TMED8: variants seen among roughly 807,000 people sequenced by gnomAD.
TMED8 encodes protein TMED8.
Under a neutral mutation model 32.7 loss-of-function variants are expected in TMED8, and 15 were observed. The observed-to-expected ratio is 0.46, with a 90% confidence interval of 0.31 to 0.71. The LOEUF (loss-of-function observed/expected upper bound fraction) is 0.71, where lower values mean the gene tolerates loss of function less well. Ranked by LOEUF, TMED8 falls within the 30% of genes least tolerant of loss-of-function variation. The pLI is 0.06. For synonymous variants in TMED8, 147 were observed against 161.4 expected (o/e 0.91, Z 0.68); for missense variants, 390 against 423.9 (o/e 0.92, Z 0.70).
intron 1 of TMED8, among the ~76,000 whole-genome samples, chr14:77,373,830 AT>A (rs1893752501): frequency 6.6e-6 from 1 of 152,200 alleles, no homozygotes; most frequent in Non-Finnish European, 1.5e-5. Context: ...CCTCTTGATG[AT>A]AAGTGAGTTC....
intron 1 of TMED8, among the ~76,000 whole-genome samples, chr14:77,355,634 T>G (rs1351140405): frequency 6.6e-6 from 1 of 152,230 alleles, no homozygotes; most frequent in Non-Finnish European, 1.5e-5. Flanking sequence ...TCCAAATCTT[T>G]CATTGTTACA....
At chr14:77,372,933 TATATATATATATATA>T (rs1566696391) in intron 1 of TMED8, among the ~76,000 whole-genome samples, 11 of 34,454 alleles carry the variant, frequency 3.2e-4, no homozygotes, top group Non-Finnish European at 5.8e-4. Context: ...TATATATATA[TATATATATATATATA>T]TATATTTTTT....
chr14:77,353,518 C>A (rs1299370815), intron 1 of TMED8, among the ~76,000 whole-genome samples: 1 of 148,940 alleles, frequency 6.7e-6, no homozygotes, highest in African/African-American at 2.5e-5. Flanking sequence ...TTATGACTCT[C>A]GGCCTCTTGG....
chr14:77,360,495 C>G (rs899211662), intron 1 of TMED8, among the ~76,000 whole-genome samples: 2 of 151,968 alleles, frequency 1.3e-5, no homozygotes, highest in Non-Finnish European at 2.9e-5. Flanking sequence ...TAATGTCATC[C>G]AGGCTCATCC....
rs147339432 is a variant in TMED8, at chr14:77,376,293, T to G, written c.118+643A>C. ...GAGGGAGGTAGGCCAAATTTTTAAT[T>G]CCTGCTCTTGCTTTGGCTACTGTGT... is the stretch of plus-strand genomic sequence containing the variant. On this transcript the variant is annotated intron_variant, in intron 1 of 5. Coordinates refer to ENST00000216468, the MANE Select transcript of TMED8 (RefSeq NM_213601.3). The surrounding 1 kb of genome is among the most constrained non-coding windows in gnomAD (Gnocchi z 4.0). 6.6e-6 allele frequency among the ~76,000 whole-genome samples: 1 copy of G among 152,220 alleles called. No individual in the cohort carries two copies. Among genetic ancestry groups the G allele is most frequent in the South Asian group, 2.1e-4 (1 of 4,836 alleles).
At chr14:77,347,664 C>G (rs975727898) in intron 2 of TMED8, among the ~76,000 whole-genome samples, 1 of 152,208 alleles carries the variant, frequency 6.6e-6, no homozygotes, top group Non-Finnish European at 1.5e-5. Context: ...CTCGGCCTCC[C>G]AAAGTACTAG....
intron 3 of TMED8, among the ~76,000 whole-genome samples, chr14:77,345,202 G>A (rs1892995692): frequency 6.6e-6 from 1 of 152,050 alleles, no homozygotes; most frequent in Non-Finnish European, 1.5e-5. Context: ...GGTCAGGCTG[G>A]TCTCGAACCC....
Position 77,341,667 on chromosome 14 carries a change from C to CA in TMED8, c.*103dup. 5 of 1,136,960 alleles carry CA rather than the reference C, an allele frequency of 4.4e-6. No individual in the cohort carries two copies. In the South Asian group the frequency reaches 7.0e-5, roughly 16 times the overall value. The allele number at this position is 1,136,960 out of a possible 1,614,324, so 70.4% of individuals were successfully genotyped here. On this transcript the variant is annotated 3_prime_UTR_variant, in exon 6 of 6. Coordinates refer to ENST00000216468, the MANE Select transcript of TMED8 (RefSeq NM_213601.3). Reference sequence around the variant, plus strand: ...ATGCCAGACAGGGTGTGAGGCTCAGCAGCCCCCCATGAACCTTTGGCTCTT... The same window carrying CA: ...ATGCCAGACAGGGTGTGAGGCTCAGCAAGCCCCCCATGAACCTTTGGCTCTT...
intron 5 of TMED8, 71 bp from the exon 6 acceptor site, chr14:77,342,059 G>A (rs1443046499): frequency 2.2e-6 from 3 of 1,362,672 alleles, no homozygotes; most frequent in Non-Finnish European, 3.1e-6. Context: ...GAAGGACCAG[G>A]TGACCCAGTG....
At chr14:77,372,330 T>C (rs777421289) in intron 1 of TMED8, among the ~76,000 whole-genome samples, 11 of 152,210 alleles carry the variant, frequency 7.2e-5, no homozygotes, top group Non-Finnish European at 1.6e-4. Context: ...GTGTACTTCG[T>C]ACTTTCCCTA....
intron 2 of TMED8, among the ~76,000 whole-genome samples, chr14:77,350,378 C>T (rs1158756536): frequency 6.6e-6 from 1 of 152,100 alleles, no homozygotes; most frequent in Non-Finnish European, 1.5e-5. Context: ...TTCTTTAGTA[C>T]CTAGAACAGT....
Position 77,337,423 on chromosome 14 carries a change from C to T in TMED8, c.*4348G>A, listed in dbSNP as rs1332718206. On this transcript the variant is annotated 3_prime_UTR_variant, in exon 6 of 6. Coordinates refer to ENST00000216468, the MANE Select transcript of TMED8 (RefSeq NM_213601.3). ...TTTTTTTTTGAGACGGAATCTTGCT[C>T]TGTTGCCCAGTCTGGAGTGCAGTGG... 1 of 151,938 alleles carries T rather than the reference C, an allele frequency of 6.6e-6. No individual in the cohort carries two copies. Among genetic ancestry groups the T allele is most frequent in the Non-Finnish European group, 1.5e-5 (1 of 68,040 alleles). The allele number at this position is 151,938 out of a possible 1,614,324, so 9.4% of individuals were successfully genotyped here. A position where few individuals can be genotyped will look rare whatever the true frequency, so the allele number is the denominator to read the frequency against.
In TMED8 at chr14:77,353,841, C is replaced by T. The variant is rs553114305; in HGVS notation, c.119-2090G>A. On this transcript the variant is annotated intron_variant, in intron 1 of 5. Transcript: ENST00000216468. ...TCCTGCCATCTAATTTTTCTCCCAA[C>T]AAAGAAACACTGTTCCCCAGTCTCT... 1.5e-4 allele frequency among the ~76,000 whole-genome samples: 23 copies of T among 152,282 alleles called. No individual in the cohort carries two copies. The South Asian group carries it at 4.3e-3, about 29-fold the overall frequency.
intron 1 of TMED8, among the ~76,000 whole-genome samples, chr14:77,362,199 T>C (rs895543746): frequency 2.6e-5 from 4 of 152,118 alleles, no homozygotes; most frequent in African/African-American, 9.7e-5. Context: ...TATGCCTTTT[T>C]TTTTTCTTGT....
In TMED8 at chr14:77,340,476, G is replaced by A. The variant is rs995935856; in HGVS notation, c.*1295C>T. 1.3e-5 allele frequency: 2 copies of A among 152,230 alleles called. No homozygotes were observed. The highest frequency in any genetic ancestry group is 2.4e-5 in the African/African-American group (1 of 41,476). 9.4% of individuals were successfully genotyped at this position (152,230 alleles called of 1,614,324 possible). The stretch of plus-strand genomic sequence containing the variant: ...TAACACGAGGAGTAAGAGACAGGGA[G>A]GTACAAACACAGAGACTGCTGAGGT... On this transcript the variant is annotated 3_prime_UTR_variant, in exon 6 of 6. Transcript: ENST00000216468.
chr14:77,358,124 C>CA (rs35361617), intron 1 of TMED8, among the ~76,000 whole-genome samples: 18,645 of 76,012 alleles, frequency 0.25, 2,253 homozygotes, highest in African/African-American at 0.29. Context: ...GCTCTGTCTC[C>CA]AAAAAAAAAA....
At chr14:77,342,091 T>A in intron 5 of TMED8, 103 bp from the exon 6 acceptor site, 1 of 890,822 alleles carries the variant, frequency 1.1e-6, no homozygotes, top group South Asian at 1.6e-5. Flanking sequence ...GCGGGGAGAT[T>A]ATTGCCCTCC....
intron 1 of TMED8, among the ~76,000 whole-genome samples, chr14:77,369,816 A>G (rs1034064996): frequency 2.0e-5 from 3 of 152,216 alleles, no homozygotes; most frequent in African/African-American, 4.8e-5. Context: ...ACAGAAATCC[A>G]TATTGCCTAT....
At chr14:77,354,390 C>G (rs544701723) in intron 1 of TMED8, among the ~76,000 whole-genome samples, 3 of 152,238 alleles carry the variant, frequency 2.0e-5, no homozygotes, top group African/African-American at 7.2e-5. Flanking sequence ...TAACTTAAAA[C>G]CAGGACTTTA....
Sources: allele counts gnomAD v4.1 joint callset (sites outside exome capture counted in the v4.1 genomes callset), GRCh38; gene constraint gnomAD v4.1.1; non-coding constraint Gnocchi (gnomAD v3.1); transcripts MANE v1.5; gene names NCBI Gene and HGNC (gene_info 2026-07-23, HGNC 2026-07-21).